The following GRIK4 variants were observed in gnomAD, a reference collection of about 807,000 sequenced individuals.
GRIK4 encodes glutamate receptor ionotropic, kainate 4.
GRIK4 carries 40 observed loss-of-function variants against 104.9 expected under a neutral mutation model. The ratio of observed to expected loss-of-function variants is 0.38; its 90% CI spans 0.30 to 0.50. The LOEUF (loss-of-function observed/expected upper bound fraction) is 0.50, where lower values mean the gene tolerates loss of function less well. Among genes scored for constraint, GRIK4 ranks in the 20% least tolerant of loss-of-function variants. The pLI is 0.93. For synonymous variants in GRIK4, 485 were observed against 524.9 expected, an observed-to-expected ratio of 0.92 and a Z score of 1.04; for missense variants, 1,047 against 1,308.1, an observed-to-expected ratio of 0.80 and a Z score of 3.08.
At chr11:120,834,524 G>A (rs541151517) in intron 7 of GRIK4, among the ~76,000 whole-genome samples, 1 of 152,170 alleles carries the variant, frequency 6.6e-6, no homozygotes. Flanking sequence ...CATCAGGCCT[G>A]GCCTCTGTCC....
chr11:120,539,758 C>T (rs558176036), intron 1 of GRIK4, among the ~76,000 whole-genome samples: 2 of 152,234 alleles, frequency 1.3e-5, no homozygotes, highest in East Asian at 1.9e-4. Flanking sequence ...GGGGGCTGGA[C>T]GGTGGGTTTC....
chr11:120,626,429 T>C (rs970728999), intron 1 of GRIK4, among the ~76,000 whole-genome samples: 3 of 152,130 alleles, frequency 2.0e-5, no homozygotes, highest in Non-Finnish European at 4.4e-5. Flanking sequence ...ACTGATGCGC[T>C]TCCCTACCCT....
intron 9 of GRIK4, among the ~76,000 whole-genome samples, chr11:120,866,408 A>G (rs889240663): frequency 3.3e-5 from 5 of 152,176 alleles, no homozygotes; most frequent in Admixed American, 2.0e-4. Context: ...ACAGCATCCC[A>G]ATGGAGCAGG....
At chr11:120,543,024 C>T (rs1484781404) in intron 1 of GRIK4, among the ~76,000 whole-genome samples, 1 of 152,278 alleles carries the variant, frequency 6.6e-6, no homozygotes, top group East Asian at 1.9e-4. Context: ...AGGCAGGGAG[C>T]TTGCACAGCT....
chr11:120,781,652 C>G (rs1463140594), intron 3 of GRIK4, among the ~76,000 whole-genome samples: 1 of 152,142 alleles, frequency 6.6e-6, no homozygotes, highest in Non-Finnish European at 1.5e-5. Flanking sequence ...GTGCCCTGCC[C>G]TGTCTGTGTC....
intron 1 of GRIK4, among the ~76,000 whole-genome samples, chr11:120,558,260 T>A (rs1048130666): frequency 6.6e-6 from 1 of 152,086 alleles, no homozygotes; most frequent in Non-Finnish European, 1.5e-5. Context: ...GTAGGTATTC[T>A]ATAATGTCAG....
chr11:120,945,777 C>T (rs1446060308), intron 14 of GRIK4, among the ~76,000 whole-genome samples: 1 of 152,240 alleles, frequency 6.6e-6, no homozygotes, highest in African/African-American at 2.4e-5. Flanking sequence ...CTCCTGAACT[C>T]ACTGCTCTCT....
chr11:120,517,684 G>A (rs927994734), intron 1 of GRIK4, among the ~76,000 whole-genome samples: 2 of 152,094 alleles, frequency 1.3e-5, no homozygotes, highest in East Asian at 1.9e-4. Flanking sequence ...CTCGATTTCC[G>A]CCCTATAAAC....
At chr11:120,639,930 G>A (rs1949449770) in intron 1 of GRIK4, among the ~76,000 whole-genome samples, 1 of 152,058 alleles carries the variant, frequency 6.6e-6, no homozygotes, top group African/African-American at 2.4e-5. Flanking sequence ...CTTTGACCCG[G>A]ATCCTATTCC....
intron 20 of GRIK4, 69 bp downstream of exon 20, chr11:120,982,293 A>G: frequency 5.8e-6 from 5 of 856,128 alleles, no homozygotes; most frequent in South Asian, 2.7e-5. Flanking sequence ...TCATGCACAT[A>G]TAAGGTTATT....
In GRIK4 at chr11:120,549,663, C is replaced by T. The variant is rs998977716; in HGVS notation, c.-159+37776C>T. 1.3e-5 allele frequency among the ~76,000 whole-genome samples: 2 copies of T among 152,168 alleles called. No individual in the cohort carries two copies. Among genetic ancestry groups the T allele is most frequent in the African/African-American group, 4.8e-5 (2 of 41,458 alleles). On this transcript the variant is annotated intron_variant, in intron 1 of 20. Coordinates refer to ENST00000527524, the MANE Select transcript of GRIK4 (RefSeq NM_014619.5). The surrounding 1 kb of genome is among the most constrained non-coding windows in gnomAD (Gnocchi z 4.7). ...CTCACAGCAGGGGCCTGGGACAAGA[C>T]AAGCAGAGGCTGAGGGCGGGTCGTG...
At chr11:120,729,236 T>A (rs933950071) in intron 3 of GRIK4, among the ~76,000 whole-genome samples, 8 of 152,240 alleles carry the variant, frequency 5.3e-5, no homozygotes, top group African/African-American at 1.7e-4. Flanking sequence ...AGTGCAGATA[T>A]CTCTTTGATA....
intron 1 of GRIK4, among the ~76,000 whole-genome samples, chr11:120,559,831 C>T (rs915564426): frequency 6.6e-6 from 1 of 152,096 alleles, no homozygotes; most frequent in Non-Finnish European, 1.5e-5. Context: ...CTGTGTTCTG[C>T]GTTTAATGCA....
intron 7 of GRIK4, among the ~76,000 whole-genome samples, chr11:120,833,089 C>G (rs1357593257): frequency 6.6e-6 from 1 of 152,094 alleles, no homozygotes; most frequent in African/African-American, 2.4e-5. Flanking sequence ...CCTTCCCTCC[C>G]TCCCTCCCAG....
chr11:120,515,136 C>A, intron 1 of GRIK4: 1 of 432,514 alleles, frequency 2.3e-6, no homozygotes, highest in Non-Finnish European at 4.7e-6. Context: ...CTCCCCTGGC[C>A]ACCCAGCCCT....
intron 3 of GRIK4, among the ~76,000 whole-genome samples, chr11:120,660,726 A>T (rs7939968): frequency 0.57 from 86,448 of 152,046 alleles, 25,075 homozygotes; most frequent in East Asian, 0.72. Context: ...GGGACTCCAA[A>T]TCTAGGGCTG....
At chr11:120,588,740 G>A (rs142606402) in intron 1 of GRIK4, among the ~76,000 whole-genome samples, 114 of 152,260 alleles carry the variant, frequency 7.5e-4, no homozygotes, top group African/African-American at 2.6e-3. Flanking sequence ...GCTCTCCTGT[G>A]TACTCTAGGG....
At chr11:120,591,028 A>C (rs777047508) in intron 1 of GRIK4, among the ~76,000 whole-genome samples, 1 of 152,168 alleles carries the variant, frequency 6.6e-6, no homozygotes, top group Non-Finnish European at 1.5e-5. Context: ...GTTAAATCAC[A>C]GGAGATCTGG....
intron 8 of GRIK4, among the ~76,000 whole-genome samples, chr11:120,853,713 G>A (rs905757763): frequency 1.3e-5 from 2 of 152,210 alleles, no homozygotes; most frequent in African/African-American, 4.8e-5. Flanking sequence ...AAGTTAAAGA[G>A]CGATACGGTC....
Sources: gnomAD v4.1 joint callset for allele counts (sites outside exome capture counted in the v4.1 genomes callset) on GRCh38, gnomAD v4.1.1 for gene constraint, Gnocchi (gnomAD v3.1) non-coding constraint, MANE v1.5 for transcripts, NCBI Gene and HGNC (gene_info 2026-07-23, HGNC 2026-07-21) for gene names.